Variants in PBLD observed in about 807,000 individuals in gnomAD.
PBLD encodes phenazine biosynthesis like protein domain containing, also known as phenazine biosynthesis-like domain-containing protein.
In PBLD, 26 loss-of-function variants were observed where a neutral mutation model predicts 31.3. That is an observed-to-expected ratio of 0.83 (90% CI 0.61 to 1.15). PBLD has a LOEUF of 1.15. PBLD is among the 50% of genes most tolerant of loss of function. The probability of loss-of-function intolerance (pLI) is 0.00; values close to 1 mark genes in which losing one functional copy is unlikely to be tolerated. For synonymous variants in PBLD, 114 were observed against 129.0 expected (o/e 0.88, Z 0.79); for missense variants, 307 against 351.7 (o/e 0.87, Z 1.02).
Position 68,296,984 on chromosome 10 carries a change from T to C in PBLD, c.86A>G (p.Glu29Gly). 6.2e-7 allele frequency: 1 copy of C among 1,608,604 alleles called. No individual in the cohort carries two copies. Among genetic ancestry groups the C allele is most frequent in the Non-Finnish European group, 8.5e-7 (1 of 1,175,060 alleles). Reference sequence around the variant, plus strand: ...TTTCTGATGCATGTCTTCATCCAATTCCTTAATTAGAAACAGACGATCATT... The same window carrying C: ...TTTCTGATGCATGTCTTCATCCAATCCCTTAATTAGAAACAGACGATCATT... ...NPAAVCLLEN[E>G]LDEDMHQKIA... Residue 29 changes from glutamate to glycine, a missense_variant and splice_region_variant, in exon 3 of 10, where the codon GAA (glutamate) becomes GGA (glycine). By Grantham distance (98) the Glu-to-Gly change is moderately conservative (BLOSUM62 -2). Transcript: ENST00000358769.
At chr10:68,309,332 G>A (rs571697310) in intron 1 of PBLD, among the ~76,000 whole-genome samples, 1 of 141,408 alleles carries the variant, frequency 7.1e-6, no homozygotes, top group Admixed American at 7.5e-5. Context: ...GCTTGAACCT[G>A]TGAGGCGGAA....
chr10:68,302,758 T>C (rs2044520787), intron 2 of PBLD, among the ~76,000 whole-genome samples: 1 of 151,606 alleles, frequency 6.6e-6, no homozygotes, highest in Non-Finnish European at 1.5e-5. Flanking sequence ...GGCGGATAGC[T>C]TGAGCCCAGG....
At chr10:68,324,239 C>T (rs1227411823) in intron 1 of PBLD, among the ~76,000 whole-genome samples, 1 of 151,854 alleles carries the variant, frequency 6.6e-6, no homozygotes, top group African/African-American at 2.4e-5. Flanking sequence ...TGCAGTGGCA[C>T]GATCTGGGCT....
intron 1 of PBLD, among the ~76,000 whole-genome samples, chr10:68,315,220 A>G (rs2044721773): frequency 6.6e-6 from 1 of 152,226 alleles, no homozygotes; most frequent in Admixed American, 6.5e-5. Flanking sequence ...GATAATAGCT[A>G]AGGCAAATGA....
chr10:68,291,088 A>T (rs41454844), intron 6 of PBLD, among the ~76,000 whole-genome samples: 5,829 of 152,240 alleles, frequency 0.038, 387 homozygotes, highest in African/African-American at 0.13. Flanking sequence ...CCCAAGTAGT[A>T]CTCACAATAG....
chr10:68,323,541 C>T (rs983236608), intron 1 of PBLD, among the ~76,000 whole-genome samples: 1 of 152,100 alleles, frequency 6.6e-6, no homozygotes, highest in Non-Finnish European at 1.5e-5. Flanking sequence ...GCCTGAGGGA[C>T]AGAGTGAGAT....
chr10:68,306,904 CTTCTTGGAA>C lies in PBLD; in HGVS notation c.-59-10_-59-2del. On this transcript the variant is annotated splice_acceptor_variant and splice_polypyrimidine_tract_variant and intron_variant, in intron 1 of 9. Transcript: ENST00000358769. LOFTEE classifies it low-confidence loss of function (5UTR_SPLICE). ...TTGCTGGTAGCCTGCTTTACGTCTT[CTTCTTGGAA>C]AAGGAAATCAAAAAGTTAATGTTTT... 2 of 1,333,022 alleles carry C rather than the reference CTTCTTGGAA, an allele frequency of 1.5e-6. No individual in the cohort carries two copies. The highest frequency in any genetic ancestry group is 2.1e-6 in the Non-Finnish European group (2 of 938,104). The allele number at this position is 1,333,022 out of a possible 1,614,324, so 82.6% of individuals were successfully genotyped here. A position where few individuals can be genotyped will look rare whatever the true frequency, so the allele number is the denominator to read the frequency against.
chr10:68,297,236 C>A (rs2044442205), intron 2 of PBLD: 1 of 489,652 alleles, frequency 2.0e-6, no homozygotes, highest in South Asian at 2.3e-5. Flanking sequence ...GCTGGCCTGG[C>A]CTGTCTTTTG....
At chr10:68,285,128 C>T in intron 9 of PBLD, 1 of 1,343,218 alleles carries the variant, frequency 7.4e-7, no homozygotes, top group South Asian at 2.1e-5. Flanking sequence ...TGGGCAGTTA[C>T]TGTATCTGTG....
chr10:68,290,296 TC>T (rs2044342301), intron 6 of PBLD, among the ~76,000 whole-genome samples: 1 of 152,196 alleles, frequency 6.6e-6, no homozygotes, highest in Admixed American at 6.5e-5. Context: ...GCTTTCTGCC[TC>T]TGTGACTATG....
At chr10:68,298,256 A>G (rs1032249736) in intron 2 of PBLD, among the ~76,000 whole-genome samples, 2 of 152,186 alleles carry the variant, frequency 1.3e-5, no homozygotes, top group Non-Finnish European at 2.9e-5. Context: ...CCTGTCTCAA[A>G]AACAAAAAAG....
At chr10:68,304,823 T>C (rs1209010133) in intron 2 of PBLD, among the ~76,000 whole-genome samples, 1 of 152,242 alleles carries the variant, frequency 6.6e-6, no homozygotes, top group African/African-American at 2.4e-5. Flanking sequence ...TGACAGGAAG[T>C]TGTGTCTGCC....
At chr10:68,298,406 C>A (rs1047216273) in intron 2 of PBLD, among the ~76,000 whole-genome samples, 1 of 152,124 alleles carries the variant, frequency 6.6e-6, no homozygotes, top group African/African-American at 2.4e-5. Context: ...GAGAGTGGAT[C>A]GCTTGAACCC....
intron 1 of PBLD, among the ~76,000 whole-genome samples, chr10:68,330,091 C>G (rs1299545587): frequency 6.6e-6 from 1 of 152,090 alleles, no homozygotes; most frequent in Non-Finnish European, 1.5e-5. Context: ...GTTACTACAG[C>G]ATCCTTGTTT....
intron 1 of PBLD, among the ~76,000 whole-genome samples, chr10:68,316,696 C>T: frequency 6.6e-6 from 1 of 152,076 alleles, no homozygotes; most frequent in Middle Eastern, 3.2e-3. Context: ...CCTAGACACA[C>T]AATAATCTAA....
intron 1 of PBLD, among the ~76,000 whole-genome samples, chr10:68,311,880 T>C (rs1194926053): frequency 6.6e-6 from 1 of 152,228 alleles, no homozygotes; most frequent in Non-Finnish European, 1.5e-5. Context: ...CATAATCGTG[T>C]GGCTGGCTGG....
intron 6 of PBLD, among the ~76,000 whole-genome samples, chr10:68,290,055 ATGTT>A (rs1208555838): frequency 7.5e-6 from 1 of 133,850 alleles, no homozygotes; most frequent in East Asian, 2.3e-4. Flanking sequence ...ATTTGTTTGT[ATGTT>A]TGTTTGAGGG....
rs185684202 is a variant in PBLD, at chr10:68,321,653, G to T, written c.-60+11131C>A. On this transcript the variant is annotated intron_variant, in intron 1 of 9. Transcript: ENST00000358769. Reference sequence around the variant, plus strand: ...AGACATGACTGATTCTAGCATAAGTGCAGGGAAAAGACCAGGTGAGGCTGG... The same window carrying T: ...AGACATGACTGATTCTAGCATAAGTTCAGGGAAAAGACCAGGTGAGGCTGG... Among the ~76,000 whole-genome samples the T allele has an allele frequency of 2.9e-4, 44 of 152,274 alleles. No individual in the cohort carries two copies. In the East Asian group the frequency reaches 3.8e-3, roughly 13 times the overall value.
At chr10:68,300,044 C>T (rs934009242) in intron 2 of PBLD, among the ~76,000 whole-genome samples, 1 of 152,000 alleles carries the variant, frequency 6.6e-6, no homozygotes, top group Non-Finnish European at 1.5e-5. Context: ...GTGCAGACCA[C>T]CATGCCCAGC....
Sources: allele counts gnomAD v4.1 joint callset (sites outside exome capture counted in the v4.1 genomes callset), GRCh38; gene constraint gnomAD v4.1.1; transcripts MANE v1.5; gene names NCBI Gene and HGNC (gene_info 2026-07-23, HGNC 2026-07-21).